The following IL27RA variants were observed in gnomAD, a reference collection of about 807,000 sequenced individuals.
The protein encoded by IL27RA is interleukin 27 receptor subunit alpha, also known as interleukin-27 receptor subunit alpha.
IL27RA carries 61 observed loss-of-function variants against 80.8 expected under a neutral mutation model. The observed-to-expected ratio is 0.76, with a 90% CI of 0.61 to 0.93. The LOEUF is 0.93. IL27RA is among the 40% of genes least tolerant of loss of function. IL27RA has a pLI of 0.00. For synonymous variants in IL27RA, 316 were observed against 332.5 expected, an observed-to-expected ratio of 0.95 and a Z score of 0.54; for missense variants, 735 against 808.1, an observed-to-expected ratio of 0.91 and a Z score of 1.10.
chr19:14,046,464 C>A lies in IL27RA; in HGVS notation c.987C>A (p.Ser329Arg). The change falls in exon 8 of 14, where the codon AGC (serine) becomes AGA (arginine). Residue 329 changes from serine (S) to arginine (R), a missense_variant. Physicochemically the swap from Ser to Arg is moderately radical, Grantham distance 110. Coordinates refer to ENST00000263379, the MANE Select transcript of IL27RA (RefSeq NM_004843.4). ...SASAPRSVAV[S>R]SIAGSTELLV... is the part of the protein sequence containing the mutation. ...CTGCCCCCCGTAGCGTGGCAGTCAG[C>A]AGCATCGCTGGGAGCACGGAGCTAC... 6.2e-7 allele frequency: 1 copy of A among 1,614,158 alleles called. No homozygotes were observed. Among genetic ancestry groups the A allele is most frequent in the East Asian group, 2.2e-5 (1 of 44,872 alleles).
chr19:14,046,286 G>A lies in IL27RA; in HGVS notation c.901G>A (p.Val301Ile), dbSNP rs1976063793. Residue 301 changes from valine to isoleucine, a missense_variant, in exon 7 of 14, where the codon GTC (valine) becomes ATC (isoleucine). Physicochemically the swap from Val to Ile is conservative, Grantham distance 29. Transcript: ENST00000263379. ...SGAEWARVSA[V>I]NATSWEPLTN... ...GGCGGAGTGGGCCAGGGTGTCCGCTGTCAACGCCACAAGCTGGGAGCCTCT... is the reference window on the plus strand; with the variant it reads ...GGCGGAGTGGGCCAGGGTGTCCGCTATCAACGCCACAAGCTGGGAGCCTCT... 2 of 1,614,150 alleles carry A rather than the reference G, an allele frequency of 1.2e-6. No individual in the cohort carries two copies. The highest frequency in any genetic ancestry group is 1.7e-6 in the Non-Finnish European group (2 of 1,180,028).
chr19:14,038,219 C>T (rs1209637440), intron 2 of IL27RA, among the ~76,000 whole-genome samples: 1 of 151,916 alleles, frequency 6.6e-6, no homozygotes. Context: ...AGTGGCATGA[C>T]TGCAACTCAA....
chr19:14,040,162 G>A (rs957452150), intron 4 of IL27RA, among the ~76,000 whole-genome samples: 1 of 151,936 alleles, frequency 6.6e-6, no homozygotes, highest in Non-Finnish European at 1.5e-5. Flanking sequence ...TCAAGAGTTC[G>A]AGACCAGCCT....
intron 10 of IL27RA, among the ~76,000 whole-genome samples, 158 bp downstream of exon 10, chr19:14,049,472 G>A (rs982781960): frequency 5.3e-5 from 8 of 152,074 alleles, no homozygotes; most frequent in African/African-American, 1.7e-4. Context: ...GCTTTCATTC[G>A]GCCATTAAAA....
At position 14,051,852 on chromosome 19, in the gene IL27RA, G is replaced by A. The variant is rs769456842; in HGVS notation, c.1623-28G>A. Reference sequence around the variant, plus strand: ...CTGGGGCATCTGGCCATCTGGATCTGCTGCCCTGACTACTCCTGTCTTGCC... The same window carrying A: ...CTGGGGCATCTGGCCATCTGGATCTACTGCCCTGACTACTCCTGTCTTGCC... On this transcript the variant is annotated intron_variant, in intron 12 of 13. Transcript: ENST00000263379. 6.4e-6 allele frequency: 10 copies of A among 1,550,742 alleles called. No individual in the cohort carries two copies. The South Asian group carries it at 1.2e-4, about 18-fold the overall frequency.
chr19:14,046,415 C>A lies in IL27RA; in HGVS notation c.953-15C>A, dbSNP rs767033387. 1 of 1,614,082 alleles carries A rather than the reference C, an allele frequency of 6.2e-7. No homozygotes were observed. Among genetic ancestry groups the A allele is most frequent in the Non-Finnish European group, 8.5e-7 (1 of 1,180,016 alleles). Reference sequence around the variant, plus strand: ...CTTCCTGAGTGGGCAGCTGAGACTTCTCTCCACCCTCCAGATTCAGCCTCT... The same window carrying A: ...CTTCCTGAGTGGGCAGCTGAGACTTATCTCCACCCTCCAGATTCAGCCTCT... On this transcript the variant is annotated splice_polypyrimidine_tract_variant and intron_variant, in intron 7 of 13. Transcript: ENST00000263379.
chr19:14,046,151 C>A lies in IL27RA; in HGVS notation c.769-3C>A. ...TTAACCCCTTTTTCCCTTCATCTCT[C>A]AGGCCCCAGGGCCCTGTGTGCAGGT... On this transcript the variant is annotated splice_polypyrimidine_tract_variant and splice_region_variant and intron_variant, in intron 6 of 13. Coordinates refer to ENST00000263379, the MANE Select transcript of IL27RA (RefSeq NM_004843.4). 2 of 1,611,366 alleles carry A rather than the reference C, an allele frequency of 1.2e-6. No homozygotes were observed. Among genetic ancestry groups the A allele is most frequent in the Non-Finnish European group, 1.7e-6 (2 of 1,178,644 alleles).
intron 8 of IL27RA, among the ~76,000 whole-genome samples, chr19:14,047,041 G>T (rs894388917): frequency 6.6e-6 from 1 of 151,330 alleles, no homozygotes; most frequent in Non-Finnish European, 1.5e-5. Flanking sequence ...ATTCACACAA[G>T]ACTTTTTTTT....
intron 2 of IL27RA, among the ~76,000 whole-genome samples, chr19:14,035,266 G>C (rs1156347518): frequency 6.6e-6 from 1 of 152,082 alleles, no homozygotes; most frequent in Non-Finnish European, 1.5e-5. Context: ...CAAAGTGCTG[G>C]GACTACAGGC....
At chr19:14,032,033 A>G (rs1975823599) in intron 1 of IL27RA, 61 bp downstream of exon 1, 2 of 1,429,430 alleles carry the variant, frequency 1.4e-6, no homozygotes, top group Admixed American at 1.9e-5. Flanking sequence ...CGAAGGCGCC[A>G]GTGCTCCAGG....
intron 4 of IL27RA, among the ~76,000 whole-genome samples, chr19:14,041,832 G>A (rs542514858): frequency 2.6e-5 from 4 of 152,228 alleles, no homozygotes; most frequent in African/African-American, 4.8e-5. Flanking sequence ...TTGGGAGGCC[G>A]AGGTGGGCAG....
intron 7 of IL27RA, 28 bp from the exon 8 acceptor site, chr19:14,046,402 G>A (rs776974151): frequency 1.9e-6 from 3 of 1,613,848 alleles, no homozygotes; most frequent in Non-Finnish European, 2.5e-6. Context: ...TCCTGAGTGG[G>A]CAGCTGAGAC....
At chr19:14,032,822 A>AAAG (rs1555764293) in intron 2 of IL27RA, among the ~76,000 whole-genome samples, 11 of 116,134 alleles carry the variant, frequency 9.5e-5, no homozygotes, top group South Asian at 3.7e-4. Context: ...AAAAAAAAAA[A>AAAG]AAAAGAAAAG....
rs550622916 is a variant in IL27RA, at chr19:14,042,605, G to A, written c.687G>A (p.Pro229=). Residue 229 remains proline (P), a synonymous_variant, in exon 5 of 14, where the codon CCG becomes CCA. Coordinates refer to ENST00000263379, the MANE Select transcript of IL27RA (RefSeq NM_004843.4). The part of the protein sequence containing the change: ...EWSPILSFQT[P]PSAPKDVWVS... ...GCCCCATTTTGTCCTTCCAGACACC[G>A]CCTTCTGGTGAGGATATCTGGGCTT... 1.7e-5 allele frequency: 27 copies of A among 1,614,034 alleles called. No individual in the cohort carries two copies. Among genetic ancestry groups the A allele is most frequent in the East Asian group, 4.5e-5 (2 of 44,868 alleles).
Position 14,052,199 on chromosome 19 carries a change from C to G in IL27RA, c.1820C>G (p.Ala607Gly), listed in dbSNP as rs377689784. ...MESSQPAQAT[A>G]PLDSGYEKHF... is the part of the protein sequence containing the mutation. ...TCCTCCCAGCCCGCCCAGGCCACCG[C>G]CCCGCTTGACTCTGGGTATGAGAAG... is the stretch of plus-strand genomic sequence containing the variant. Residue 607 changes from alanine (A) to glycine (G), a missense_variant, in exon 14 of 14, where the codon GCC becomes GGC. Ala to Gly is a moderately conservative substitution (Grantham distance 60, BLOSUM62 0). Coordinates refer to ENST00000263379, the MANE Select transcript of IL27RA (RefSeq NM_004843.4). 16 of 1,607,664 alleles carry G rather than the reference C, an allele frequency of 1.0e-5. No individual in the cohort carries two copies. Among genetic ancestry groups the G allele is most frequent in the Admixed American group, 1.7e-5 (1 of 59,112 alleles).
At chr19:14,049,362 C>A (rs756909291) in intron 10 of IL27RA, 48 bp downstream of exon 10, 4 of 1,581,894 alleles carry the variant, frequency 2.5e-6, no homozygotes, top group Non-Finnish European at 2.6e-6. Context: ...CCACAAGACC[C>A]ACCCATCAGT....
chr19:14,044,050 C>CAAAA (rs111909254), intron 6 of IL27RA, among the ~76,000 whole-genome samples: 7,684 of 84,900 alleles, frequency 0.091, 614 homozygotes, highest in African/African-American at 0.24. Flanking sequence ...CTCTGTCTCA[C>CAAAA]AAAAAAAAAA....
chr19:14,046,883 G>A (rs1237209447), intron 8 of IL27RA, among the ~76,000 whole-genome samples: 1 of 151,862 alleles, frequency 6.6e-6, no homozygotes, highest in African/African-American at 2.4e-5. Context: ...TGTAGTCCCA[G>A]CTACTCGGGA....
Position 14,052,314 on chromosome 19 carries a change from C to G in IL27RA, c.*24C>G. ...GAACCACACGTCTGGCTGGGGGCTG[C>G]CAGCCAGGCTAGAGGGATGCTCATG... On this transcript the variant is annotated 3_prime_UTR_variant, in exon 14 of 14. Coordinates refer to ENST00000263379, the MANE Select transcript of IL27RA (RefSeq NM_004843.4). 4 of 1,460,700 alleles carry G rather than the reference C, an allele frequency of 2.7e-6. No homozygotes were observed. The highest frequency in any genetic ancestry group is 3.6e-6 in the Non-Finnish European group (4 of 1,104,648). The allele number at this position is 1,460,700 out of a possible 1,614,324, so 90.5% of individuals were successfully genotyped here.
Sources: gnomAD v4.1 joint callset for allele counts (sites outside exome capture counted in the v4.1 genomes callset) on GRCh38, gnomAD v4.1.1 for gene constraint, MANE v1.5 for transcripts, NCBI Gene and HGNC (gene_info 2026-07-23, HGNC 2026-07-21) for gene names.